PASD1: variants seen among roughly 807,000 people sequenced by gnomAD.
PASD1 encodes circadian clock protein PASD1.
Under a neutral mutation model 58.8 loss-of-function variants are expected in PASD1, and 13 were observed. That is an observed-to-expected ratio of 0.22 (90% CI 0.14 to 0.35). The LOEUF is 0.35. Among genes scored for constraint, PASD1 ranks in the 10% least tolerant of loss-of-function variants. The pLI, the probability that PASD1 is intolerant of heterozygous loss-of-function variation, is 1.00. For synonymous variants in PASD1, 236 were observed against 216.7 expected (o/e 1.09, Z -0.78); for missense variants, 734 against 568.3 (o/e 1.29, Z -2.96).
At chrX:151,675,518 C>A (rs1447523098) in intron 15 of PASD1, among the ~76,000 whole-genome samples, 2 of 112,394 alleles carry the variant, frequency 1.8e-5, no homozygotes, top group African/African-American at 3.2e-5. Flanking sequence ...CCAGAAAACA[C>A]CCCCTCAGCC....
intron 1 of PASD1, among the ~76,000 whole-genome samples, chrX:151,565,991 T>C (rs745494142): frequency 8.9e-6 from 1 of 112,370 alleles, no homozygotes; most frequent in Non-Finnish European, 1.9e-5. Flanking sequence ...ATAGGGTTGA[T>C]AAGGTAATTA....
Position 151,625,462 on chromosome X carries a change from A to G in PASD1, c.561A>G (p.Ser187=), listed in dbSNP as rs758865931. 1.7e-6 allele frequency: 2 copies of G among 1,208,594 alleles called. No homozygotes were observed. The highest frequency in any genetic ancestry group is 1.8e-5 in the South Asian group (1 of 56,109). Residue 187 remains serine (S), a synonymous_variant, in exon 8 of 16, where the codon TCA becomes TCG. Transcript: ENST00000370357. ...TTTTTCTGCAGCAACTTTACACTTC[A>G]AAGGCAGTCAGTGATGAAGCTGTAC... ...RTQLLQQLYT[S]KAVSDEAVLT...
chrX:151,627,433 C>T (rs187789063), intron 8 of PASD1, among the ~76,000 whole-genome samples: 1 of 109,399 alleles, frequency 9.1e-6, no homozygotes, highest in African/African-American at 3.3e-5. Context: ...TCGGTTCCCA[C>T]CTGTGAGTGA....
intron 8 of PASD1, among the ~76,000 whole-genome samples, chrX:151,637,709 GTGT>G (rs2013948276): frequency 9.0e-6 from 1 of 111,484 alleles, no homozygotes; most frequent in African/African-American, 3.3e-5. Flanking sequence ...TGAGTGCTAG[GTGT>G]TGTCATTTTT....
chrX:151,588,134 TAAAAC>T (rs1359117849), intron 1 of PASD1, among the ~76,000 whole-genome samples: 1 of 111,925 alleles, frequency 8.9e-6, no homozygotes, highest in Non-Finnish European at 1.9e-5. Context: ...CCTATAAACT[TAAAAC>T]AAATTCCTGG....
At chrX:151,651,775 C>T (rs2124298470) in intron 9 of PASD1, among the ~76,000 whole-genome samples, 1 of 111,926 alleles carries the variant, frequency 8.9e-6, no homozygotes, top group East Asian at 2.8e-4. Flanking sequence ...CACAACAGAC[C>T]TGTGAGGCAT....
rs2014514835 is a variant in PASD1, at chrX:151,674,172, C to A, written c.2161C>A (p.Pro721Thr). ...TGAGCAGGGCACCCTGCACGGCCAA[C>A]CCACCTACCATCAGGTATGGGACAG... ...CDEQGTLHGQ[P>T]TYHQVQVSEV... The change falls in exon 15 of 16, where the codon CCC becomes ACC. Residue 721 changes from proline to threonine, a missense_variant. Physicochemically the swap from Pro to Thr is conservative, Grantham distance 38. Transcript: ENST00000370357. The A allele has an allele frequency of 8.3e-7, 1 of 1,210,343 alleles. No homozygotes were observed. The highest frequency in any genetic ancestry group is 2.2e-5 in the Admixed American group (1 of 45,817).
At chrX:151,626,683 T>G (rs1035415960) in intron 8 of PASD1, among the ~76,000 whole-genome samples, 1 of 111,779 alleles carries the variant, frequency 8.9e-6, no homozygotes, top group Non-Finnish European at 1.9e-5. Flanking sequence ...CCAGTAATAT[T>G]TAGCAAAATA....
At chrX:151,588,418 G>C (rs1404259705) in intron 1 of PASD1, among the ~76,000 whole-genome samples, 1 of 111,966 alleles carries the variant, frequency 8.9e-6, no homozygotes, top group African/African-American at 3.2e-5. Context: ...GACCTTCTCT[G>C]GTTTTCTTTA....
chrX:151,647,209 C>T (rs2014071719), intron 8 of PASD1, among the ~76,000 whole-genome samples: 1 of 112,013 alleles, frequency 8.9e-6, no homozygotes, highest in Non-Finnish European at 1.9e-5. Flanking sequence ...AGGGATACGA[C>T]ATGGTCTGCA....
chrX:151,621,678 A>C, intron 6 of PASD1, 86 bp downstream of exon 6: 1 of 574,580 alleles, frequency 1.7e-6, no homozygotes, highest in Non-Finnish European at 2.6e-6. Flanking sequence ...TCTGCTTGGT[A>C]CTTGCAAACT....
At chrX:151,654,497 A>G (rs2014211256) in intron 9 of PASD1, among the ~76,000 whole-genome samples, 2 of 111,877 alleles carry the variant, frequency 1.8e-5, no homozygotes, top group East Asian at 5.6e-4. Flanking sequence ...CCCAAAGTTA[A>G]GAGATTAGGG....
In PASD1 at chrX:151,672,318, A is replaced by G; in HGVS notation, c.1573A>G (p.Lys525Glu). 8.5e-7 allele frequency: 1 copy of G among 1,172,688 alleles called. No homozygotes were observed. The highest frequency in any genetic ancestry group is 1.1e-6 in the Non-Finnish European group (1 of 875,903). Residue 525 changes from lysine to glutamate, a missense_variant, in exon 14 of 16, where the codon AAA (lysine) becomes GAA (glutamate). Lys to Glu is a moderately conservative substitution (Grantham distance 56). Transcript: ENST00000370357. ...GGAGAAGAAGAAGCTGCAGGAGCAG[A>G]AAATGCAGGAGAAGAAGAAGCTGCA... ...MQEKKKLQEQ[K>E]MQEKKKLQEQ...
At chrX:151,575,680 C>T (rs2012994178) in intron 1 of PASD1, among the ~76,000 whole-genome samples, 1 of 108,926 alleles carries the variant, frequency 9.2e-6, no homozygotes, top group African/African-American at 3.4e-5. Context: ...CGAGGTCTCT[C>T]TCTCTCTCTG....
Position 151,581,227 on chromosome X carries a change from C to CAAAAAA in PASD1, c.-28+17409_-28+17414dup, listed in dbSNP as rs55664238. Among the ~76,000 whole-genome samples the CAAAAAA allele has an allele frequency of 1.3e-4, 4 of 31,500 alleles. 1 individual carries two copies. In the Admixed American group the frequency reaches 3.1e-3, roughly 24 times the overall value. The allele number at this position is 31,500 out of a possible 115,157, so 27.4% of individuals were successfully genotyped here. On this transcript the variant is annotated intron_variant, in intron 1 of 15. Coordinates refer to ENST00000370357, the MANE Select transcript of PASD1 (RefSeq NM_173493.3). ...TAGGCAACAGAGTAAAGCTCTGTAT[C>CAAAAAA]AAAAAAAAAAAAAAAAAAAAAAAAA...
At chrX:151,645,025 G>A (rs1230141730) in intron 8 of PASD1, among the ~76,000 whole-genome samples, 1 of 111,165 alleles carries the variant, frequency 9.0e-6, no homozygotes, top group Non-Finnish European at 1.9e-5. Flanking sequence ...TATCAAGGAT[G>A]GCTGAGATGC....
At chrX:151,600,304 C>T (rs1291256254) in intron 1 of PASD1, among the ~76,000 whole-genome samples, 4 of 99,326 alleles carry the variant, frequency 4.0e-5, no homozygotes, top group African/African-American at 7.6e-5. Context: ...AAGAGGGAGA[C>T]GGGAGCGAGA....
At chrX:151,635,924 TA>T (rs2013924914) in intron 8 of PASD1, among the ~76,000 whole-genome samples, 1 of 111,856 alleles carries the variant, frequency 8.9e-6, no homozygotes, top group South Asian at 3.8e-4. Context: ...TTGCATATTT[TA>T]AATAGCTTGA....
chrX:151,569,140 T>G (rs1411832852), intron 1 of PASD1, among the ~76,000 whole-genome samples: 1 of 111,371 alleles, frequency 9.0e-6, no homozygotes, highest in African/African-American at 3.3e-5. Context: ...TAACTTTAGG[T>G]CTCCCAGTTG....
Sources: allele counts gnomAD v4.1 joint callset (sites outside exome capture counted in the v4.1 genomes callset), GRCh38; gene constraint gnomAD v4.1.1; transcripts MANE v1.5; gene names NCBI Gene and HGNC (gene_info 2026-07-23, HGNC 2026-07-21).